ERG: variants seen among roughly 807,000 people sequenced by gnomAD.
ERG encodes the protein ETS transcription factor ERG.
In ERG, 9 loss-of-function variants were observed where a neutral mutation model predicts 55.3. That is an observed-to-expected ratio of 0.16 (90% CI 0.10 to 0.28). The LOEUF (loss-of-function observed/expected upper bound fraction) is 0.28, where lower values mean the gene tolerates loss of function less well. Among genes scored for constraint, ERG ranks in the 10% least tolerant of loss-of-function variants. The pLI is 1.00. For missense variants in ERG, 434 were observed against 631.6 expected (o/e 0.69, Z 3.35); for synonymous variants, 223 against 237.3 (o/e 0.94, Z 0.55).
intron 1 of ERG, among the ~76,000 whole-genome samples, chr21:38,643,061 G>A (rs1464849066): frequency 6.6e-6 from 1 of 152,164 alleles, no homozygotes; most frequent in African/African-American, 2.4e-5. Context: ...CCACTGAAAA[G>A]AATTAAGTCA....
intron 2 of ERG, among the ~76,000 whole-genome samples, chr21:38,574,262 C>T (rs550490778): frequency 2.6e-5 from 4 of 152,322 alleles, no homozygotes; most frequent in Admixed American, 6.5e-5. Context: ...ACACACTGAT[C>T]AAATATGTTC....
In ERG at chr21:38,517,919, A is replaced by G. The variant is rs114657761; in HGVS notation, c.-41+57743T>C. Among the ~76,000 whole-genome samples, 562 of 152,242 alleles carry G rather than the reference A, an allele frequency of 3.7e-3. 1 individual carries two copies. The highest frequency in any genetic ancestry group is 0.013 in the African/African-American group (535 of 41,554). ...AGCTAAAAATGTTAATGTCATGGAGATAGAGAGTGGAATGATGGTTACCAG... is the reference window on the plus strand; with the variant it reads ...AGCTAAAAATGTTAATGTCATGGAGGTAGAGAGTGGAATGATGGTTACCAG... On this transcript the variant is annotated intron_variant, in intron 2 of 8. Coordinates refer to the ERG transcript ENST00000398897.
intron 1 of ERG, among the ~76,000 whole-genome samples, chr21:38,488,489 T>C (rs1568846304): frequency 6.6e-6 from 1 of 152,192 alleles, no homozygotes; most frequent in Non-Finnish European, 1.5e-5. Flanking sequence ...ATCCTGTAGA[T>C]GGCTAATTGA....
chr21:38,528,141 C>T (rs2059643508), intron 2 of ERG, among the ~76,000 whole-genome samples: 1 of 132,832 alleles, frequency 7.5e-6, no homozygotes, highest in Non-Finnish European at 1.8e-5. Flanking sequence ...TTTGCGTTCA[C>T]ATGGCCTTCT....
chr21:38,489,191 A>G (rs1169940532), intron 1 of ERG, among the ~76,000 whole-genome samples: 2 of 152,246 alleles, frequency 1.3e-5, no homozygotes, highest in Non-Finnish European at 2.9e-5. Context: ...AGCAGTAAAC[A>G]TGTGATCTAA....
At chr21:38,606,523 T>C (rs1162632859) in intron 1 of ERG, among the ~76,000 whole-genome samples, 1 of 152,106 alleles carries the variant, frequency 6.6e-6, no homozygotes. Context: ...TAAGTAGATT[T>C]TAGTAGATGT....
At chr21:38,394,585 C>A (rs1988122921) in intron 6 of ERG, among the ~76,000 whole-genome samples, 1 of 152,068 alleles carries the variant, frequency 6.6e-6, no homozygotes, top group Admixed American at 6.5e-5. Flanking sequence ...CTCTCCTGAC[C>A]CCGTGATCCG....
chr21:38,403,402 G>A (rs143594084), intron 4 of ERG, 104 bp downstream of exon 4: 70 of 1,124,694 alleles, frequency 6.2e-5, no homozygotes, highest in African/African-American at 5.5e-4. Context: ...GGAACTGGGC[G>A]AGGGCAGGAG....
At chr21:38,509,676 G>C (rs1390548904) in intron 2 of ERG, among the ~76,000 whole-genome samples, 1 of 151,968 alleles carries the variant, frequency 6.6e-6, no homozygotes, top group Non-Finnish European at 1.5e-5. Context: ...CCATTCTCTG[G>C]AAACATCTCA....
intron 1 of ERG, among the ~76,000 whole-genome samples, chr21:38,611,221 G>T (rs763962915): frequency 2.6e-5 from 4 of 152,086 alleles, no homozygotes; most frequent in Non-Finnish European, 4.4e-5. Flanking sequence ...CCCTCAACTG[G>T]ATTATTATGT....
chr21:38,610,182 T>G (rs961323086), intron 1 of ERG, among the ~76,000 whole-genome samples: 1 of 152,230 alleles, frequency 6.6e-6, no homozygotes, highest in African/African-American at 2.4e-5. Context: ...GCACTTAATA[T>G]GCACTTCGGT....
chr21:38,534,876 T>C (rs1464916870), intron 2 of ERG, among the ~76,000 whole-genome samples: 2 of 152,198 alleles, frequency 1.3e-5, no homozygotes, highest in Non-Finnish European at 2.9e-5. Context: ...TAAAATGTCA[T>C]TCAGTCTTTA....
chr21:38,508,008 CAGAGACACACAA>C (rs2059479767), intron 2 of ERG, among the ~76,000 whole-genome samples: 1 of 148,522 alleles, frequency 6.7e-6, no homozygotes, highest in Non-Finnish European at 1.5e-5. Context: ...TGCACACACA[CAGAGACACACAA>C]ACACACATGC....
At chr21:38,635,631 A>G (rs1401787078) in intron 1 of ERG, among the ~76,000 whole-genome samples, 1 of 152,224 alleles carries the variant, frequency 6.6e-6, no homozygotes, top group African/African-American at 2.4e-5. Context: ...AAAGGATTCA[A>G]TGTGATATTT....
rs1255795635 is a variant in ERG, at chr21:38,498,385, C to T, written c.-5G>A. On this transcript the variant is annotated 5_prime_UTR_variant, in exon 1 of 10. Coordinates refer to ENST00000288319, the MANE Select transcript of ERG (RefSeq NM_182918.4). This position sits in a 1 kb window ranked among gnomAD's most constrained non-coding sequence, Gnocchi z 4.6. ...TACCTTAATAGTGCTGGCCATAATG[C>T]GATCAAGTTTATTGATCGTTAATAA... 1.2e-5 allele frequency: 19 copies of T among 1,602,902 alleles called. No homozygotes were observed. Among genetic ancestry groups the T allele is most frequent in the East Asian group, 2.2e-5 (1 of 44,702 alleles).
chr21:38,368,703 T>A, the ERG span, among the ~76,000 whole-genome samples: 1 of 152,158 alleles, frequency 6.6e-6, no homozygotes, highest in African/African-American at 2.4e-5. Context: ...GTCCAGACTA[T>A]TTCATCACTC....
chr21:38,528,670 G>A (rs188197235), intron 2 of ERG, among the ~76,000 whole-genome samples: 4,244 of 43,724 alleles, frequency 0.097, 1,133 homozygotes, highest in African/African-American at 0.22. Flanking sequence ...GGATGGTCTC[G>A]ATCTCCTGAC....
chr21:38,440,441 C>T (rs1445938397), intron 2 of ERG, among the ~76,000 whole-genome samples: 5 of 152,206 alleles, frequency 3.3e-5, no homozygotes, highest in Non-Finnish European at 7.3e-5. Flanking sequence ...TGACACAGCC[C>T]GGTGCTGGTT....
chr21:38,429,622 C>A lies in ERG; in HGVS notation c.237-6061G>T, dbSNP rs1990085520. Among the ~76,000 whole-genome samples, 2 of 142,110 alleles carry A rather than the reference C, an allele frequency of 1.4e-5. 1 individual carries two copies. Among genetic ancestry groups the A allele is most frequent in the African/African-American group, 5.2e-5 (2 of 38,236 alleles). 93.2% of individuals were successfully genotyped at this position (142,110 alleles called of 152,430 possible). On this transcript the variant is annotated intron_variant, in intron 2 of 9. Coordinates refer to ENST00000288319, the MANE Select transcript of ERG (RefSeq NM_182918.4). ...ACATGTATACACATGTACATATATACATATGTGTATATATACATGTATACA... is the reference window on the plus strand; with the variant it reads ...ACATGTATACACATGTACATATATAAATATGTGTATATATACATGTATACA...
Sources: allele counts gnomAD v4.1 joint callset (sites outside exome capture counted in the v4.1 genomes callset), GRCh38; gene constraint gnomAD v4.1.1; non-coding constraint Gnocchi (gnomAD v3.1); transcripts MANE v1.5; gene names NCBI Gene and HGNC (gene_info 2026-07-23, HGNC 2026-07-21).